SIGLEC1: variants seen among roughly 807,000 people sequenced by gnomAD.
SIGLEC1 encodes the protein sialoadhesin.
SIGLEC1 carries 132 observed loss-of-function variants against 148.0 expected under a neutral mutation model. The ratio of observed to expected loss-of-function variants is 0.89; its 90% CI spans 0.77 to 1.03. The LOEUF is 1.03. Ranked by LOEUF, SIGLEC1 falls within the 50% of genes least tolerant of loss-of-function variation. SIGLEC1 has a pLI of 0.00. For synonymous variants in SIGLEC1, 945 were observed against 969.0 expected, an observed-to-expected ratio of 0.98 and a Z score of 0.46; for missense variants, 2,253 against 2,271.4, an observed-to-expected ratio of 0.99 and a Z score of 0.16.
intron 2 of SIGLEC1, 23 bp from the exon 3 acceptor site, chr20:3,706,729 A>G (rs914296538): frequency 6.6e-7 from 1 of 1,521,150 alleles, no homozygotes; most frequent in East Asian, 2.5e-5. Context: ...CGGCAGGGGG[A>G]CAGAGGGGAG....
Position 3,696,881 on chromosome 20 carries a change from C to T in SIGLEC1, c.2388G>A (p.Pro796=), listed in dbSNP as rs757104595. The T allele has an allele frequency of 7.7e-5, 119 of 1,550,048 alleles. No homozygotes were observed. Among genetic ancestry groups the T allele is most frequent in the African/African-American group, 1.2e-4 (9 of 73,214 alleles). Residue 796 remains proline, a synonymous_variant, in exon 11 of 22, where the codon CCG becomes CCA. Transcript: ENST00000344754. ...GGAGGGCTGACAGCTTTGGACGGTCCGGGGGATCTGCAGGAACAGAGGGAG... is the reference window on the plus strand; with the variant it reads ...GGAGGGCTGACAGCTTTGGACGGTCTGGGGGATCTGCAGGAACAGAGGGAG... ...TPVLLSVLYP[P]DRPKLSALLD...
At chr20:3,694,978 T>G (rs1368644740) in intron 11 of SIGLEC1, 55 bp from the exon 12 acceptor site, 2 of 1,551,276 alleles carry the variant, frequency 1.3e-6, no homozygotes, top group East Asian at 4.5e-5. Flanking sequence ...TCTCACAGTC[T>G]GGGACCATGT....
chr20:3,709,147 C>A (rs1555757486), intron 1 of SIGLEC1, among the ~76,000 whole-genome samples: 1 of 150,026 alleles, frequency 6.7e-6, no homozygotes, highest in Non-Finnish European at 1.5e-5. Context: ...ATTTGTAAAT[C>A]ATTTATCTGA....
intron 6 of SIGLEC1, among the ~76,000 whole-genome samples, chr20:3,702,814 C>G (rs1005446201): frequency 1.3e-5 from 2 of 152,094 alleles, no homozygotes; most frequent in African/African-American, 4.8e-5. Flanking sequence ...TGTGCATACA[C>G]ACAAGTGCAC....
rs759227502 is a variant in SIGLEC1, at chr20:3,693,463, G to A, written c.3492C>T (p.Ile1164=). The change falls in exon 14 of 22, where the codon ATC becomes ATT. Residue 1164 remains isoleucine (I), a synonymous_variant. Coordinates refer to ENST00000344754, the MANE Select transcript of SIGLEC1 (RefSeq NM_023068.4). ...CAGACTCACAGAGGACGTCCAAGGT[G>A]ATAGGTCTGGAGAGGCGGGGTGCCC... The part of the protein sequence containing the change: ...PGRAPRLSRP[I]TLDVLYAPRN... The A allele has an allele frequency of 6.3e-7, 1 of 1,588,358 alleles. No homozygotes were observed. The highest frequency in any genetic ancestry group is 2.2e-5 in the East Asian group (1 of 44,514).
At position 3,701,523 on chromosome 20, in the gene SIGLEC1, A is replaced by T; in HGVS notation, c.1347T>A (p.Gly449=). Residue 449 remains glycine (G), a synonymous_variant, in exon 7 of 22, where the codon GGT becomes GGA. Transcript: ENST00000344754. The part of the protein sequence containing the change: ...PLATLVLSHG[G]HILASTSGDS... ...CCCCGGAGGTGGAGGCCAGGATATG[A>T]CCCCCATGTGACAGCACCAGTGTGG... 1.2e-6 allele frequency: 2 copies of T among 1,613,614 alleles called. No individual in the cohort carries two copies. The highest frequency in any genetic ancestry group is 1.7e-6 in the Non-Finnish European group (2 of 1,179,896).
At chr20:3,703,511 T>C (rs1222014046) in intron 5 of SIGLEC1, 60 bp from the exon 6 acceptor site, 3 of 1,530,060 alleles carry the variant, frequency 2.0e-6, no homozygotes, top group Admixed American at 2.1e-5. Context: ...CCCAGCCCCA[T>C]ACAGTCCCCG....
chr20:3,709,683 G>A (rs921172672), intron 1 of SIGLEC1, among the ~76,000 whole-genome samples: 3 of 152,222 alleles, frequency 2.0e-5, no homozygotes, highest in Non-Finnish European at 4.4e-5. Flanking sequence ...ATCAGTGAAT[G>A]GATGTGGATA....
chr20:3,694,496 T>C lies in SIGLEC1; in HGVS notation c.2981A>G (p.Asp994Gly). The C allele has an allele frequency of 6.3e-7, 1 of 1,582,978 alleles. No individual in the cohort carries two copies. The highest frequency in any genetic ancestry group is 1.7e-4 in the Middle Eastern group (1 of 5,966). The change falls in exon 13 of 22, where the codon GAC (aspartate) becomes GGC (glycine). Residue 994 changes from aspartate (D) to glycine (G), a missense_variant. Asp to Gly is a moderately conservative substitution (Grantham distance 94). Coordinates refer to ENST00000344754, the MANE Select transcript of SIGLEC1 (RefSeq NM_023068.4). ...PRHVTLTTLMDTGPGRLGLLL... is the reference protein window; with the variant it reads ...PRHVTLTTLMGTGPGRLGLLL... ...GAGGCCCAGTCGTCCAGGGCCTGTG[T>C]CCATCAGGGTAGTGAGTGTGACGTG...
chr20:3,703,041 A>G (rs1394200331), intron 6 of SIGLEC1, 156 bp downstream of exon 6: 1 of 764,086 alleles, frequency 1.3e-6, no homozygotes, highest in Non-Finnish European at 2.1e-6. Flanking sequence ...AGGTCAAAGC[A>G]TTGCCCAGGT....
At chr20:3,701,270 A>T in intron 7 of SIGLEC1, 72 bp downstream of exon 7, 1 of 1,387,926 alleles carries the variant, frequency 7.2e-7, no homozygotes, top group Non-Finnish European at 9.8e-7. Flanking sequence ...CTAGACTTCT[A>T]GAAGGAACAG....
Position 3,692,845 on chromosome 20 carries a change from C to T in SIGLEC1, c.3778+17G>A. 13 of 1,605,136 alleles carry T rather than the reference C, an allele frequency of 8.1e-6. No homozygotes were observed. Among genetic ancestry groups the T allele is most frequent in the Non-Finnish European group, 1.1e-5 (13 of 1,176,746 alleles). On this transcript the variant is annotated intron_variant, in intron 15 of 21. Transcript: ENST00000344754. ...TGGGCTTCCATCCCAGTGGGCTTGG[C>T]CTAGGCCCTGCCTTACCCTCCAGCC...
At position 3,705,889 on chromosome 20, in the gene SIGLEC1, G is replaced by T; in HGVS notation, c.561C>A (p.Asn187Lys). 2 of 1,614,166 alleles carry T rather than the reference G, an allele frequency of 1.2e-6. No individual in the cohort carries two copies. Among genetic ancestry groups the T allele is most frequent in the Non-Finnish European group, 1.7e-6 (2 of 1,180,048 alleles). The change falls in exon 4 of 22, where the codon AAC (asparagine) becomes AAA (lysine). Residue 187 changes from asparagine (N) to lysine (K), a missense_variant. Physicochemically the swap from Asn to Lys is moderately conservative, Grantham distance 94. Transcript: ENST00000344754. ...GQDPARSVTF[N>K]SQKFEPTGVG... The stretch of plus-strand genomic sequence containing the variant: ...CGCCGGTGGGCTCAAACTTCTGGCT[G>T]TTGAAGGTGACAGAGCGAGCAGGGT...
intron 18 of SIGLEC1, among the ~76,000 whole-genome samples, chr20:3,690,835 TTTTTTTTTTTC>T (rs2088752089): frequency 9.6e-6 from 1 of 104,286 alleles, no homozygotes; most frequent in East Asian, 2.7e-4. Flanking sequence ...TTTTCTTTTT[TTTTTTTTTTTC>T]TTGAGACAGA....
chr20:3,689,670 G>A lies in SIGLEC1; in HGVS notation c.4927C>T (p.Leu1643Phe), dbSNP rs1276011003. 3 of 1,588,096 alleles carry A rather than the reference G, an allele frequency of 1.9e-6. No homozygotes were observed. The highest frequency in any genetic ancestry group is 2.3e-5 in the South Asian group (2 of 87,062). Residue 1643 changes from leucine (L) to phenylalanine (F), a missense_variant, in exon 20 of 22, where the codon CTC becomes TTC. Transcript: ENST00000344754. ...CCCACCAGCAGTCCCAGGACCCAGA[G>A]CAGCTGCTGGAACTGATGCAGGCGG... ...LHRLHQFQQL[L>F]WVLGLLVGLL...
At position 3,691,956 on chromosome 20, in the gene SIGLEC1, G is replaced by T. The variant is rs768497664; in HGVS notation, c.4277C>A (p.Thr1426Lys). 6.2e-7 allele frequency: 1 copy of T among 1,607,132 alleles called. No homozygotes were observed. The highest frequency in any genetic ancestry group is 1.1e-5 in the South Asian group (1 of 90,712). Residue 1426 changes from threonine to lysine, a missense_variant, in exon 17 of 22, where the codon ACA becomes AAA. Physicochemically the swap from Thr to Lys is moderately conservative, Grantham distance 78 (BLOSUM62 -1). Coordinates refer to ENST00000344754, the MANE Select transcript of SIGLEC1 (RefSeq NM_023068.4). ...VPAGDDTYVC[T>K]AQNLLGSIST... ...GATTGAGCCCAGCAAGTTTTGGGCTGTGCAAACATAGGTGTCATCACCTGC... is the reference window on the plus strand; with the variant it reads ...GATTGAGCCCAGCAAGTTTTGGGCTTTGCAAACATAGGTGTCATCACCTGC...
rs200109891 is a variant in SIGLEC1 at position 3,696,651 on chromosome 20, C to T, written c.2618G>A (p.Ser873Asn). 8.1e-6 allele frequency: 13 copies of T among 1,613,732 alleles called. No homozygotes were observed. The highest frequency in any genetic ancestry group is 1.3e-5 in the African/African-American group (1 of 74,946). The change falls in exon 11 of 22, where the codon AGC (serine) becomes AAC (asparagine). Residue 873 changes from serine (S) to asparagine (N), a missense_variant. Transcript: ENST00000344754. ...AACATTTGTGGCCTCACAGCGGTAG[C>T]TGCCAGAGTCCCCAAGGCCCAGTTC... ...VRELGLGDSG[S>N]YRCEATNVLG...
Position 3,697,824 on chromosome 20 carries a change from G to C in SIGLEC1, c.2096C>G (p.Ser699Cys). The C allele has an allele frequency of 6.2e-7, 1 of 1,612,848 alleles. No individual in the cohort carries two copies. The highest frequency in any genetic ancestry group is 8.5e-7 in the Non-Finnish European group (1 of 1,179,954). ...CEASNALGNA[S>C]TSATFNGQAT... ...CTGGCCATTGAAGGTGGCTGAGGTG[G>C]AGGCGTTGCCCAGGGCATTGCTGGC... The change falls in exon 9 of 22, where the codon TCC becomes TGC. Residue 699 changes from serine to cysteine, a missense_variant. Ser to Cys is a moderately radical substitution (Grantham distance 112). Transcript: ENST00000344754.
At position 3,697,727 on chromosome 20, in the gene SIGLEC1, T is replaced by G. The variant is rs568967866; in HGVS notation, c.2122+71A>C. 121 of 1,445,896 alleles carry G rather than the reference T, an allele frequency of 8.4e-5. 1 individual carries two copies. Among genetic ancestry groups the G allele is most frequent in the Non-Finnish European group, 1.9e-6 (2 of 1,048,544 alleles). The allele number at this position is 1,445,896 out of a possible 1,614,324, so 89.6% of individuals were successfully genotyped here. A position where few individuals can be genotyped will look rare whatever the true frequency, so the allele number is the denominator to read the frequency against. ...CACAGAGTGGTTTTGCCTGATTAGA[T>G]CCTCCTCGGAGCAGAACAGTCCAGA... On this transcript the variant is annotated intron_variant, in intron 9 of 21. Transcript: ENST00000344754.
Sources: allele counts gnomAD v4.1 joint callset (sites outside exome capture counted in the v4.1 genomes callset), GRCh38; gene constraint gnomAD v4.1.1; transcripts MANE v1.5; gene names NCBI Gene and HGNC (gene_info 2026-07-23, HGNC 2026-07-21).